ZNF45: variants seen among roughly 807,000 people sequenced by gnomAD.
The protein encoded by ZNF45 is BRC1744.
A neutral mutation model predicts 12.0 loss-of-function variants in ZNF45; 4 were observed. That is an observed-to-expected ratio of 0.33 (90% CI 0.16 to 0.76). The LOEUF is 0.76. ZNF45 is among the 30% of genes least tolerant of loss of function. The pLI, the probability that ZNF45 is intolerant of heterozygous loss-of-function variation, is 0.60. For synonymous variants in ZNF45, 272 were observed against 279.6 expected, an observed-to-expected ratio of 0.97 and a Z score of 0.27; for missense variants, 700 against 813.0, an observed-to-expected ratio of 0.86 and a Z score of 1.69.
At chr19:43,916,768 A>G (rs993839835) in intron 9 of ZNF45, among the ~76,000 whole-genome samples, 5 of 152,200 alleles carry the variant, frequency 3.3e-5, no homozygotes, top group African/African-American at 1.2e-4. Flanking sequence ...CATAATGGGA[A>G]AGGGACTGGA....
chr19:43,914,398 G>T lies in ZNF45; in HGVS notation c.1038C>A (p.His346Gln). The change falls in exon 10 of 10, where the codon CAC (histidine) becomes CAA (glutamine). Residue 346 changes from histidine to glutamine, a missense_variant. By Grantham distance (24) the His-to-Gln change is conservative. Transcript: ENST00000269973. Reference protein sequence around the residue: ...ACGKSFSYSSHLNIHCRIHTG... With the variant: ...ACGKSFSYSSQLNIHCRIHTG... ...TGTGGATTCTACAATGAATATTAAG[G>T]TGTGAGCTGTAACTAAAGCTCTTGC... is the stretch of plus-strand genomic sequence containing the variant. 1 of 1,609,102 alleles carries T rather than the reference G, an allele frequency of 6.2e-7. No individual in the cohort carries two copies. Among genetic ancestry groups the T allele is most frequent in the Non-Finnish European group, 8.5e-7 (1 of 1,177,090 alleles).
chr19:43,922,681 A>G (rs1973291082), intron 6 of ZNF45, among the ~76,000 whole-genome samples: 3 of 152,188 alleles, frequency 2.0e-5, no homozygotes, highest in Admixed American at 1.3e-4. Flanking sequence ...GAGAGAATTA[A>G]CAATCTCATA....
chr19:43,923,370 A>G (rs1212051158), intron 6 of ZNF45, among the ~76,000 whole-genome samples: 1 of 152,130 alleles, frequency 6.6e-6, no homozygotes, highest in African/African-American at 2.4e-5. Flanking sequence ...GAGAGAGACC[A>G]TGTTTATAGA....
At position 43,922,146 on chromosome 19, in the gene ZNF45, A is replaced by G. The variant is rs1973236888; in HGVS notation, c.15+25T>C. 2.5e-6 allele frequency: 4 copies of G among 1,608,690 alleles called. No homozygotes were observed. In the East Asian group the frequency reaches 8.9e-5, roughly 36 times the overall value. ...TTTCCGAAATGAGATGACAATTATT[A>G]CGGAGAAAGGGAGGTCCAACTCACC... On this transcript the variant is annotated intron_variant, in intron 7 of 9. Transcript: ENST00000269973.
chr19:43,915,001 G>A lies in ZNF45; in HGVS notation c.435C>T (p.Phe145=). ...RDDLHYKDEG[F]SNQSSHLQVH... is the part of the protein sequence containing the mutation. ...CTTGAAGATGGGAACTCTGATTACT[G>A]AATCCCTCATCTTTATAGTGCAAAT... is the stretch of plus-strand genomic sequence containing the variant. The change falls in exon 10 of 10, where the codon TTC becomes TTT. Residue 145 remains phenylalanine (F), a synonymous_variant. Coordinates refer to ENST00000269973, the MANE Select transcript of ZNF45 (RefSeq NM_003425.4). 6.2e-7 allele frequency: 1 copy of A among 1,606,434 alleles called. No homozygotes were observed. Among genetic ancestry groups the A allele is most frequent in the Non-Finnish European group, 8.5e-7 (1 of 1,174,682 alleles).
chr19:43,930,987 TA>T (rs562361666), intron 3 of ZNF45, among the ~76,000 whole-genome samples: 347 of 151,954 alleles, frequency 2.3e-3, no homozygotes, highest in African/African-American at 7.6e-3. Flanking sequence ...TCAGACTAGT[TA>T]CGTTTCAGGT....
At chr19:43,923,582 G>A (rs1002477428) in intron 6 of ZNF45, among the ~76,000 whole-genome samples, 1 of 151,998 alleles carries the variant, frequency 6.6e-6, no homozygotes, top group Non-Finnish European at 1.5e-5. Context: ...GATAAGGGGG[G>A]ACTACTGTAC....
In ZNF45 at chr19:43,914,580, T is replaced by C. The variant is rs1972483081; in HGVS notation, c.856A>G (p.Ser286Gly). The C allele has an allele frequency of 1.2e-6, 2 of 1,613,358 alleles. No individual in the cohort carries two copies. Among genetic ancestry groups the C allele is most frequent in the East Asian group, 4.5e-5 (2 of 44,768 alleles). ...TGAACTTGAAGATATGATCTCTGACTGAAGCCCACCCCACACTCCTCACAT... is the reference window on the plus strand; with the variant it reads ...TGAACTTGAAGATATGATCTCTGACCGAAGCCCACCCCACACTCCTCACAT... ...YKCEECGVGF[S>G]QRSYLQVHLK... Residue 286 changes from serine (S) to glycine (G), a missense_variant, in exon 10 of 10, where the codon AGT becomes GGT. By Grantham distance (56) the Ser-to-Gly change is moderately conservative. Transcript: ENST00000269973.
At chr19:43,919,043 G>A (rs423752) in intron 8 of ZNF45, 81 bp from the exon 9 acceptor site, 579,434 of 1,152,272 alleles carry the variant, frequency 0.5, 150,626 homozygotes, top group East Asian at 0.83. Flanking sequence ...TCATTTCATC[G>A]TCTTCAGGAC....
Position 43,918,875 on chromosome 19 carries a change from G to A in ZNF45, c.230C>T (p.Ser77Phe), listed in dbSNP as rs1384541228. The A allele has an allele frequency of 1.2e-6, 2 of 1,613,560 alleles. No homozygotes were observed. The highest frequency in any genetic ancestry group is 2.7e-5 in the African/African-American group (2 of 74,884). The change falls in exon 9 of 10, where the codon TCC becomes TTC. Residue 77 changes from serine to phenylalanine, a missense_variant. Coordinates refer to ENST00000269973, the MANE Select transcript of ZNF45 (RefSeq NM_003425.4). ...CAGCCCCAGCCCCTCCTCACCTGAG[G>A]AGTTATCTCTCTGGGTTGCCATCTT... ...MMKMATQRDN[S>F]SGAKNLKEME...
intron 3 of ZNF45, among the ~76,000 whole-genome samples, chr19:43,927,734 C>T (rs1303266174): frequency 6.6e-6 from 1 of 152,058 alleles, no homozygotes; most frequent in Non-Finnish European, 1.5e-5. Flanking sequence ...TAATTCAGCC[C>T]TGAAGAACAT....
chr19:43,928,181 C>CAAAAAAAAAAAAAAAAA (rs71338710), intron 3 of ZNF45, among the ~76,000 whole-genome samples: 1 of 93,894 alleles, frequency 1.1e-5, no homozygotes, highest in Non-Finnish European at 2.0e-5. Flanking sequence ...AACTCTGTCT[C>CAAAAAAAAAAAAAAAAA]AAAAAAAAAA....
At chr19:43,926,039 C>T (rs143342542) in intron 3 of ZNF45, among the ~76,000 whole-genome samples, 23 of 151,942 alleles carry the variant, frequency 1.5e-4, no homozygotes, top group African/African-American at 5.3e-4. Context: ...TCCATCGCCT[C>T]GGGAAAAAAA....
At chr19:43,928,312 T>C (rs1203412776) in intron 3 of ZNF45, among the ~76,000 whole-genome samples, 1 of 151,430 alleles carries the variant, frequency 6.6e-6, no homozygotes, top group Non-Finnish European at 1.5e-5. Flanking sequence ...GGGAGCTAAA[T>C]GATGAGAATA....
Position 43,934,441 on chromosome 19 carries a change from A to C in ZNF45, c.-502T>G, listed in dbSNP as rs1974364130. 1 of 152,238 alleles carries C rather than the reference A, an allele frequency of 6.6e-6. No individual in the cohort carries two copies. The highest frequency in any genetic ancestry group is 1.5e-5 in the Non-Finnish European group (1 of 68,044). 9.4% of individuals were successfully genotyped at this position (152,238 alleles called of 1,614,324 possible). On this transcript the variant is annotated 5_prime_UTR_variant, in exon 2 of 10. Transcript: ENST00000269973. ...AATGAAATACCTTCTCGCACTCGGA[A>C]CAGAAGAGGAAGGTGAATGCTAGGT...
At chr19:43,926,378 A>G (rs557202880) in intron 3 of ZNF45, 5 of 152,360 alleles carry the variant, frequency 3.3e-5, no homozygotes, top group African/African-American at 1.2e-4. Context: ...ATCTTAGGAA[A>G]GTACTCTCTG....
chr19:43,915,738 G>T (rs543460747), intron 9 of ZNF45, among the ~76,000 whole-genome samples: 3 of 152,256 alleles, frequency 2.0e-5, no homozygotes, highest in African/African-American at 7.2e-5. Context: ...ATCTAACTGA[G>T]GTCTGATGAT....
Position 43,913,430 on chromosome 19 carries a change from T to C in ZNF45, c.2006A>G (p.Lys669Arg), listed in dbSNP as rs1972361085. 1 of 1,578,424 alleles carries C rather than the reference T, an allele frequency of 6.3e-7. No homozygotes were observed. Among genetic ancestry groups the C allele is most frequent in the Non-Finnish European group, 8.6e-7 (1 of 1,161,798 alleles). Residue 669 changes from lysine (K) to arginine (R), a missense_variant, in exon 10 of 10, where the codon AAG becomes AGG. Lys to Arg is a conservative substitution (Grantham distance 26). Transcript: ENST00000269973. ...QRVHADDEGD[K>R]DFPSSEDSHR... is the part of the protein sequence containing the mutation. ...TGAATCCTCTGATGAAGGAAAGTCC[T>C]TGTCACCCTCATCATCAGCATGGAC...
intron 1 of ZNF45, 84 bp downstream of exon 1, chr19:43,934,840 A>G (rs1974386214): frequency 1.3e-5 from 2 of 152,270 alleles, no homozygotes; most frequent in African/African-American, 2.4e-5. Flanking sequence ...CTAATTGTCA[A>G]AACAAATATA....
Sources: allele counts gnomAD v4.1 joint callset (sites outside exome capture counted in the v4.1 genomes callset), GRCh38; gene constraint gnomAD v4.1.1; transcripts MANE v1.5; gene names NCBI Gene and HGNC (gene_info 2026-07-23, HGNC 2026-07-21).